The following GALNT15 variants were observed in gnomAD, a reference collection of about 807,000 sequenced individuals.
GALNT15 encodes the protein polypeptide N-acetylgalactosaminyltransferase 15, also known as UDP-GalNAc transferase T15.
GALNT15 carries 67 observed loss-of-function variants against 66.8 expected under a neutral mutation model. The observed-to-expected ratio is 1.00, with a 90% CI of 0.82 to 1.23. The LOEUF (loss-of-function observed/expected upper bound fraction) is 1.23. GALNT15 is among the 50% of genes most tolerant of loss of function. The probability of loss-of-function intolerance (pLI) is 0.00; values close to 1 mark genes in which losing one functional copy is unlikely to be tolerated. For synonymous variants in GALNT15, 313 were observed against 311.5 expected (o/e 1.00, Z -0.05); for missense variants, 827 against 804.3 (o/e 1.03, Z -0.34).
rs78067187 is a variant in GALNT15, at chr3:16,227,622, G to C, written c.*122G>C. The C allele has an allele frequency of 1.3e-6, 2 of 1,537,176 alleles. No homozygotes were observed. Among genetic ancestry groups the C allele is most frequent in the African/African-American group, 1.4e-5 (1 of 71,096 alleles). On this transcript the variant is annotated 3_prime_UTR_variant, in exon 10 of 10. Transcript: ENST00000339732. The surrounding 1 kb of genome is among the most constrained non-coding windows in gnomAD (Gnocchi z 4.5). ...TGTGTGTGCTCCTGGTGTTAGGAGA[G>C]AAAAAAGCTCTATGAAAGAATATAG...
intron 9 of GALNT15, among the ~76,000 whole-genome samples, chr3:16,223,536 T>A (rs561779730): frequency 1.4e-4 from 21 of 152,270 alleles, no homozygotes; most frequent in African/African-American, 5.1e-4. Flanking sequence ...CAGAATCCTG[T>A]GCATTGGTAC....
Position 16,204,799 on chromosome 3 carries a change from G to A in GALNT15, c.912-3704G>A, listed in dbSNP as rs371563511. Among the ~76,000 whole-genome samples the A allele has an allele frequency of 6.6e-6, 1 of 152,208 alleles. No homozygotes were observed. Among genetic ancestry groups the A allele is most frequent in the Non-Finnish European group, 1.5e-5 (1 of 68,032 alleles). On this transcript the variant is annotated intron_variant, in intron 3 of 9. Transcript: ENST00000339732. The surrounding 1 kb of genome is among the most constrained non-coding windows in gnomAD (Gnocchi z 4.5). ...CAGGGGTGCTATGGGGAGAAGCAAT[G>A]TGGGGCAGGGAGAAGAACACCTCCC...
rs2063719320 is a variant in GALNT15 at position 16,203,065 on chromosome 3, G to A, written c.911+2242G>A. ...GCCTCAGGCAGGTATTTTAGCTTCT[G>A]TTTTATAGGGGGAGAAATTGAGGCT... On this transcript the variant is annotated intron_variant, in intron 3 of 9. Transcript: ENST00000339732. This position sits in a 1 kb window ranked among gnomAD's most constrained non-coding sequence, Gnocchi z 6.2. Among the ~76,000 whole-genome samples, 1 of 152,138 alleles carries A rather than the reference G, an allele frequency of 6.6e-6. No homozygotes were observed. The highest frequency in any genetic ancestry group is 1.5e-5 in the Non-Finnish European group (1 of 68,016).
Position 16,227,171 on chromosome 3 carries a change from C to T in GALNT15, c.1774-183C>T, listed in dbSNP as rs2064029143. ...TAGTTACCCCTAAGGTTTTGAGTGA[C>T]ATCCAAATTTTAGGGCTACCTAATT... is the stretch of plus-strand genomic sequence containing the variant. On this transcript the variant is annotated intron_variant, in intron 9 of 9. Transcript: ENST00000339732. The surrounding 1 kb of genome is among the most constrained non-coding windows in gnomAD (Gnocchi z 4.5). 6.6e-6 allele frequency among the ~76,000 whole-genome samples: 1 copy of T among 152,158 alleles called. No homozygotes were observed. Among genetic ancestry groups the T allele is most frequent in the Non-Finnish European group, 1.5e-5 (1 of 68,028 alleles).
the GALNT15 span, among the ~76,000 whole-genome samples, chr3:16,240,037 C>T: frequency 1.3e-5 from 2 of 152,326 alleles, no homozygotes; most frequent in African/African-American, 4.8e-5. Flanking sequence ...TTCTAATCCT[C>T]CCCTTCTTAG....
rs1312728199 is a variant in GALNT15 at position 16,203,547 on chromosome 3, A to ACG, written c.911+2725_911+2726insGC. ...CTCTCTCTCTCTCTCTCTCTCTCAC[A>ACG]CACACACACACACACACACACACAC... On this transcript the variant is annotated intron_variant, in intron 3 of 9. Transcript: ENST00000339732. This position sits in a 1 kb window ranked among gnomAD's most constrained non-coding sequence, Gnocchi z 6.2. Among the ~76,000 whole-genome samples, 1 of 46,876 alleles carries ACG rather than the reference A, an allele frequency of 2.1e-5. No individual in the cohort carries two copies. The highest frequency in any genetic ancestry group is 5.2e-5 in the Non-Finnish European group (1 of 19,312). 30.8% of individuals were successfully genotyped at this position (46,876 alleles called of 152,430 possible). A position where few individuals can be genotyped will look rare whatever the true frequency, so the allele number is the denominator to read the frequency against.
chr3:16,236,450 T>C (rs2064126227), downstream of GALNT15, among the ~76,000 whole-genome samples: 1 of 152,368 alleles, frequency 6.6e-6, no homozygotes, highest in South Asian at 2.1e-4. Context: ...AATAAAACTT[T>C]ATTTACAAAC....
Position 16,229,196 on chromosome 3 carries a change from C to G in GALNT15, c.*1696C>G. 1 of 985,264 alleles carries G rather than the reference C, an allele frequency of 1.0e-6. No homozygotes were observed. The highest frequency in any genetic ancestry group is 1.2e-6 in the Non-Finnish European group (1 of 829,798). 61.0% of individuals were successfully genotyped at this position (985,264 alleles called of 1,614,324 possible). Reference sequence around the variant, plus strand: ...TGTTTCCAAACAATACCTATCATAACTACGTATTCATTGTCTACCTGCTAA... The same window carrying G: ...TGTTTCCAAACAATACCTATCATAAGTACGTATTCATTGTCTACCTGCTAA... On this transcript the variant is annotated 3_prime_UTR_variant, in exon 10 of 10. Transcript: ENST00000339732.
In GALNT15 at chr3:16,200,756, A is replaced by C; in HGVS notation, c.844A>C (p.Met282Leu). 3.1e-6 allele frequency: 5 copies of C among 1,612,776 alleles called. No homozygotes were observed. Among genetic ancestry groups the C allele is most frequent in the Non-Finnish European group, 4.2e-6 (5 of 1,179,470 alleles). Reference protein sequence around the residue: ...TRATGDVLVFMDAHCECHPGW... With the variant: ...TRATGDVLVFLDAHCECHPGW... ...AGCCACCGGGGATGTGCTCGTCTTC[A>C]TGGATGCCCACTGCGAGTGCCACCC... Residue 282 changes from methionine (M) to leucine (L), a missense_variant, in exon 3 of 10, where the codon ATG (methionine) becomes CTG (leucine). Met to Leu is a conservative substitution (Grantham distance 15). Transcript: ENST00000339732. This position sits in a 1 kb window ranked among gnomAD's most constrained non-coding sequence, Gnocchi z 4.4.
chr3:16,218,938 CTGAG>C (rs2063910171), intron 6 of GALNT15, among the ~76,000 whole-genome samples: 1 of 151,606 alleles, frequency 6.6e-6, no homozygotes, highest in East Asian at 1.9e-4. Flanking sequence ...TCTCAGCCTC[CTGAG>C]TAACTGGGAT....
At chr3:16,243,515 C>T in the GALNT15 span, among the ~76,000 whole-genome samples, 2 of 152,234 alleles carry the variant, frequency 1.3e-5, no homozygotes, top group Non-Finnish European at 2.9e-5. Context: ...CACCCGCCAG[C>T]ACCACCAGGA....
At position 16,227,507 on chromosome 3, in the gene GALNT15, A is replaced by G. The variant is rs1021622758; in HGVS notation, c.*7A>G. On this transcript the variant is annotated 3_prime_UTR_variant, in exon 10 of 10. Transcript: ENST00000339732. The surrounding 1 kb of genome is among the most constrained non-coding windows in gnomAD (Gnocchi z 4.5). ...TGCTGTGGATGAACGATGAATGTCA[A>G]TGTCAGAAGGAAAAGAGAATTTTGG... 2.5e-6 allele frequency: 4 copies of G among 1,614,184 alleles called. No individual in the cohort carries two copies. The highest frequency in any genetic ancestry group is 2.2e-5 in the South Asian group (2 of 91,078).
intron 6 of GALNT15, among the ~76,000 whole-genome samples, chr3:16,215,497 C>T (rs1022910926): frequency 2.6e-5 from 4 of 152,170 alleles, no homozygotes; most frequent in African/African-American, 9.7e-5. Flanking sequence ...TCTCTAACAT[C>T]GAAACAGTAA....
the GALNT15 span, among the ~76,000 whole-genome samples, chr3:16,247,099 T>A: frequency 2.2e-4 from 25 of 113,082 alleles, no homozygotes; most frequent in Middle Eastern, 8.3e-3. Flanking sequence ...AAGACTGTAG[T>A]GTGTGTGTGT....
At chr3:16,216,644 T>G (rs58362702) in intron 6 of GALNT15, among the ~76,000 whole-genome samples, 13,708 of 152,264 alleles carry the variant, frequency 0.09, 766 homozygotes, top group South Asian at 0.22. Flanking sequence ...TTCTGGGGGC[T>G]TGTGTCCCTT....
rs2064060585 is a variant in GALNT15, at chr3:16,229,493, T to A, written c.*1993T>A. 1 of 984,376 alleles carries A rather than the reference T, an allele frequency of 1.0e-6. No individual in the cohort carries two copies. The highest frequency in any genetic ancestry group is 1.2e-6 in the Non-Finnish European group (1 of 829,082). The allele number at this position is 984,376 out of a possible 1,614,324, so 61.0% of individuals were successfully genotyped here. ...CAATCTAGATAGATTCATTATCCCA[T>A]CTAGAGAAGAGACTTTAGTCACTGT... On this transcript the variant is annotated 3_prime_UTR_variant, in exon 10 of 10. Transcript: ENST00000339732.
At position 16,200,712 on chromosome 3, in the gene GALNT15, G is replaced by A. The variant is rs372040056; in HGVS notation, c.800G>A (p.Arg267Gln). The A allele has an allele frequency of 4.4e-5, 71 of 1,611,394 alleles. No homozygotes were observed. The highest frequency in any genetic ancestry group is 1.6e-4 in the Middle Eastern group (1 of 6,068). ...AAGAGGCTGGGTGCCATCAGGGCCCGGATGCTGGGGGCCACCAGAGCCACC... is the reference window on the plus strand; with the variant it reads ...AAGAGGCTGGGTGCCATCAGGGCCCAGATGCTGGGGGCCACCAGAGCCACC... ...SNKRLGAIRA[R>Q]MLGATRATGD... The change falls in exon 3 of 10, where the codon CGG (arginine) becomes CAG (glutamine). Residue 267 changes from arginine to glutamine, a missense_variant. Physicochemically the swap from Arg to Gln is conservative, Grantham distance 43 (BLOSUM62 1). Transcript: ENST00000339732. The surrounding 1 kb of genome is among the most constrained non-coding windows in gnomAD (Gnocchi z 4.4).
At position 16,184,300 on chromosome 3, in the gene GALNT15, T is replaced by C. The variant is rs2063497614; in HGVS notation, c.539+8610T>C. On this transcript the variant is annotated intron_variant, in intron 1 of 9. Coordinates refer to ENST00000339732, the MANE Select transcript of GALNT15 (RefSeq NM_054110.5). The surrounding 1 kb of genome is among the most constrained non-coding windows in gnomAD (Gnocchi z 5.0). ...AAAACATACATTTCTTCCTGGATCC[T>C]CTGCATAAGTCCCTAGTCACTTGGG... Among the ~76,000 whole-genome samples, 1 of 152,248 alleles carries C rather than the reference T, an allele frequency of 6.6e-6. No individual in the cohort carries two copies.
At position 16,189,563 on chromosome 3, in the gene GALNT15, A is replaced by C. The variant is rs1202314194; in HGVS notation, c.540-6197A>C. ...AATAGTAACAGCTTCCAGTTATTGA[A>C]AGCCTGCTGTGGACAAAGCACACAA... On this transcript the variant is annotated intron_variant, in intron 1 of 9. Transcript: ENST00000339732. The surrounding 1 kb of genome is among the most constrained non-coding windows in gnomAD (Gnocchi z 5.1). 1.3e-5 allele frequency among the ~76,000 whole-genome samples: 2 copies of C among 152,240 alleles called. No homozygotes were observed. Among genetic ancestry groups the C allele is most frequent in the South Asian group, 2.1e-4 (1 of 4,834 alleles).
Sources: gnomAD v4.1 joint callset for allele counts (sites outside exome capture counted in the v4.1 genomes callset) on GRCh38, gnomAD v4.1.1 for gene constraint, Gnocchi (gnomAD v3.1) non-coding constraint, MANE v1.5 for transcripts, NCBI Gene and HGNC (gene_info 2026-07-23, HGNC 2026-07-21) for gene names.